The following SCRG1 variants were observed in gnomAD, a reference collection of about 807,000 sequenced individuals.
SCRG1 encodes the protein scrapie-responsive protein 1.
A neutral mutation model predicts 7.7 loss-of-function variants in SCRG1; 3 were observed. The ratio of observed to expected loss-of-function variants is 0.39; its 90% CI spans 0.18 to 1.01. SCRG1 has a LOEUF of 1.01. SCRG1 is among the 50% of genes least tolerant of loss of function. SCRG1 has a pLI of 0.36. For synonymous variants in SCRG1, 46 were observed against 41.2 expected (o/e 1.12, Z -0.44); for missense variants, 110 against 117.2 (o/e 0.94, Z 0.28).
chr4:173,461,638 C>T, the SCRG1 span, among the ~76,000 whole-genome samples: 6,242 of 152,164 alleles, frequency 0.041, 444 homozygotes, highest in African/African-American at 0.14. Flanking sequence ...AATACCTAAC[C>T]CTTCAATGCC....
the SCRG1 span, among the ~76,000 whole-genome samples, chr4:173,496,732 AG>A: frequency 6.6e-6 from 1 of 152,212 alleles, no homozygotes; most frequent in Non-Finnish European, 1.5e-5. Flanking sequence ...CAACCTCACA[AG>A]GTAAGTATTC....
the SCRG1 span, among the ~76,000 whole-genome samples, chr4:173,438,711 T>C: frequency 1.3e-5 from 2 of 152,112 alleles, no homozygotes; most frequent in Non-Finnish European, 2.9e-5. Flanking sequence ...CATTTTTCAA[T>C]AAATCTTTTT....
At chr4:173,447,992 T>G in the SCRG1 span, among the ~76,000 whole-genome samples, 1 of 152,188 alleles carries the variant, frequency 6.6e-6, no homozygotes, top group Non-Finnish European at 1.5e-5. Flanking sequence ...TAATCCCATC[T>G]ACTTGGGAGA....
chr4:173,451,414 G>T, the SCRG1 span, among the ~76,000 whole-genome samples: 1 of 151,754 alleles, frequency 6.6e-6, no homozygotes, highest in Non-Finnish European at 1.5e-5. Context: ...TCAGAAAGCT[G>T]CCTGAATTTT....
chr4:173,499,334 A>C, the SCRG1 span, among the ~76,000 whole-genome samples: 1 of 152,336 alleles, frequency 6.6e-6, no homozygotes, highest in African/African-American at 2.4e-5. The surrounding 1 kb of genome is among the most constrained non-coding windows in gnomAD (Gnocchi z 4.1). Flanking sequence ...GAAAAATTAC[A>C]GAAGCAAACT....
the SCRG1 span, among the ~76,000 whole-genome samples, chr4:173,490,469 C>T: frequency 6.6e-6 from 1 of 152,138 alleles, no homozygotes; most frequent in Non-Finnish European, 1.5e-5. Flanking sequence ...GCACTGGAAG[C>T]CACAGGCCAC....
At chr4:173,509,031 C>A in the SCRG1 span, among the ~76,000 whole-genome samples, 1 of 152,194 alleles carries the variant, frequency 6.6e-6, no homozygotes, top group East Asian at 1.9e-4. The surrounding 1 kb of genome is among the most constrained non-coding windows in gnomAD (Gnocchi z 5.7). Context: ...GGTGGTACGG[C>A]TGGTAGCAGA....
chr4:173,490,928 C>A, the SCRG1 span, among the ~76,000 whole-genome samples: 8 of 152,122 alleles, frequency 5.3e-5, no homozygotes, highest in African/African-American at 9.7e-5. Flanking sequence ...CCAAGTGTCC[C>A]GTCCTCTCCC....
the SCRG1 span, among the ~76,000 whole-genome samples, chr4:173,510,876 CT>C: frequency 2.0e-5 from 3 of 152,238 alleles, no homozygotes; most frequent in African/African-American, 7.2e-5. This position sits in a 1 kb window ranked among gnomAD's most constrained non-coding sequence, Gnocchi z 5.7. Context: ...ACACGATTCC[CT>C]CTCCCTAGTA....
intron 2 of SCRG1, among the ~76,000 whole-genome samples, chr4:173,390,119 C>T (rs1425701437): frequency 6.6e-6 from 1 of 152,146 alleles, no homozygotes; most frequent in African/African-American, 2.4e-5. Flanking sequence ...TCTAGGCTCA[C>T]TGCAACCTCC....
chr4:173,388,374 CT>C lies in SCRG1; in HGVS notation c.263del (p.Lys88ArgfsTer5), dbSNP rs774057827. 2 of 1,611,748 alleles carry C rather than the reference CT, an allele frequency of 1.2e-6. No homozygotes were observed. Among genetic ancestry groups the C allele is most frequent in the Non-Finnish European group, 1.7e-6 (2 of 1,178,632 alleles). ...TGTTGCAAGGAATCACGAAAGAGAT[CT>C]TTGGTCCAAAGAAAACGTCTCTGAA... ...CCPKDVFFGP[K>X]ISFVIPCNNQ On this transcript the variant is annotated frameshift_variant, in exon 3 of 3. Coordinates refer to ENST00000296506, the MANE Select transcript of SCRG1 (RefSeq NM_007281.4). LOFTEE classifies it high-confidence loss of function.
the SCRG1 span, among the ~76,000 whole-genome samples, chr4:173,442,986 G>C: frequency 6.6e-6 from 1 of 152,170 alleles, no homozygotes; most frequent in Non-Finnish European, 1.5e-5. Context: ...TTATCTTTCA[G>C]TGCAATGCTT....
At chr4:173,506,914 G>A in the SCRG1 span, among the ~76,000 whole-genome samples, 3 of 152,266 alleles carry the variant, frequency 2.0e-5, no homozygotes, top group East Asian at 1.9e-4. This position sits in a 1 kb window ranked among gnomAD's most constrained non-coding sequence, Gnocchi z 5.3. Flanking sequence ...CTCCCCGGCC[G>A]GGCTCGCTGT....
the SCRG1 span, among the ~76,000 whole-genome samples, chr4:173,512,920 G>A: frequency 6.6e-6 from 1 of 152,106 alleles, no homozygotes; most frequent in East Asian, 1.9e-4. Context: ...AGGGCAAAAT[G>A]CCTGGAGTCT....
Position 173,386,342 on chromosome 4 carries a change from GT to G in SCRG1, c.*1998del, listed in dbSNP as rs1361726513. ...TTTTTGTATTTTTAGTAGAGACGAG[GT>G]TTCACCGTATTAGCCAGGATGGTCT... On this transcript the variant is annotated 3_prime_UTR_variant, in exon 3 of 3. Coordinates refer to ENST00000296506, the MANE Select transcript of SCRG1 (RefSeq NM_007281.4). 1 of 146,432 alleles carries G rather than the reference GT, an allele frequency of 6.8e-6. No homozygotes were observed. The highest frequency in any genetic ancestry group is 2.5e-5 in the African/African-American group (1 of 39,370). The allele number at this position is 146,432 out of a possible 1,614,324, so 9.1% of individuals were successfully genotyped here.
At chr4:173,496,477 C>G in the SCRG1 span, among the ~76,000 whole-genome samples, 4 of 152,156 alleles carry the variant, frequency 2.6e-5, no homozygotes, top group Non-Finnish European at 5.9e-5. Context: ...GAAATAAATT[C>G]TGTTTTGAGC....
chr4:173,503,302 G>A, the SCRG1 span, among the ~76,000 whole-genome samples: 1 of 152,238 alleles, frequency 6.6e-6, no homozygotes, highest in Non-Finnish European at 1.5e-5. This position sits in a 1 kb window ranked among gnomAD's most constrained non-coding sequence, Gnocchi z 6.4. Flanking sequence ...CACTTGTGGG[G>A]AGGGTTGGAC....
chr4:173,500,344 G>C, the SCRG1 span, among the ~76,000 whole-genome samples: 11 of 152,316 alleles, frequency 7.2e-5, no homozygotes, highest in East Asian at 1.9e-4. Context: ...GGCCTCCGGC[G>C]CTCCCCGGGT....
chr4:173,386,149 T>G lies in SCRG1; in HGVS notation c.*2192A>C, dbSNP rs111365925. 7,377 of 152,192 alleles carry G rather than the reference T, an allele frequency of 0.048. 451 individuals are homozygous for G. The highest frequency in any genetic ancestry group is 0.14 in the African/African-American group (5,770 of 41,456). 9.4% of individuals were successfully genotyped at this position (152,192 alleles called of 1,614,324 possible). A position where few individuals can be genotyped will look rare whatever the true frequency, so the allele number is the denominator to read the frequency against. ...CTTGTGTTTATATACACTTTTTTTT[T>G]GGGGGGACGGAGTCTCACTCTGTCG... On this transcript the variant is annotated 3_prime_UTR_variant, in exon 3 of 3. Coordinates refer to ENST00000296506, the MANE Select transcript of SCRG1 (RefSeq NM_007281.4).
Sources: allele counts gnomAD v4.1 joint callset (sites outside exome capture counted in the v4.1 genomes callset), GRCh38; gene constraint gnomAD v4.1.1; non-coding constraint Gnocchi (gnomAD v3.1); transcripts MANE v1.5; gene names NCBI Gene and HGNC (gene_info 2026-07-23, HGNC 2026-07-21).